Variants in LAT observed in about 807,000 individuals in gnomAD.
The protein encoded by LAT is linker for activation of T cells, also known as linker for activation of T-cells family member 1.
A neutral mutation model predicts 39.1 loss-of-function variants in LAT; 12 were observed. That is an observed-to-expected ratio of 0.31 (90% CI 0.20 to 0.50). The LOEUF is 0.50. Among genes scored for constraint, LAT ranks in the 20% least tolerant of loss-of-function variants. LAT has a pLI of 0.98. For synonymous variants in LAT, 117 were observed against 123.8 expected, an observed-to-expected ratio of 0.95 and a Z score of 0.36; for missense variants, 253 against 308.0, an observed-to-expected ratio of 0.82 and a Z score of 1.34.
rs750017815 is a variant in LAT at position 28,986,606 on chromosome 16, G to A, written c.340+37G>A. ...ATCCGAGGTGCCCAGGCTGGGTGGG[G>A]AGTCTGGGGTCCGTCCTGGACTAGG... On this transcript the variant is annotated intron_variant, in intron 6 of 11. Transcript: ENST00000395456. The surrounding 1 kb of genome is among the most constrained non-coding windows in gnomAD (Gnocchi z 5.7). The A allele has an allele frequency of 3.7e-6, 6 of 1,613,606 alleles. No individual in the cohort carries two copies. In the Admixed American group the frequency reaches 5.0e-5, roughly 13 times the overall value.
chr16:28,985,745 G>A lies in LAT; in HGVS notation c.128+5G>A, dbSNP rs1965732812. 1.2e-6 allele frequency: 2 copies of A among 1,613,944 alleles called. No individual in the cohort carries two copies. Among genetic ancestry groups the A allele is most frequent in the African/African-American group, 1.3e-5 (1 of 74,910 alleles). On this transcript the variant is annotated splice_donor_5th_base_variant and intron_variant, in intron 2 of 11. Coordinates refer to ENST00000395456, the MANE Select transcript of LAT (RefSeq NM_001014987.2). The surrounding 1 kb of genome is among the most constrained non-coding windows in gnomAD (Gnocchi z 4.6). ...CGACAGCACATCCTCAGATAGGTGA[G>A]TCCGCCCCAGCCGCCCTGGGTCTCC...
rs933611616 is a variant in LAT, at chr16:28,989,564, C to T, written c.531C>T (p.Ser177=). Residue 177 remains serine, a synonymous_variant, in exon 9 of 12, where the codon AGC becomes AGT. Coordinates refer to ENST00000395456, the MANE Select transcript of LAT (RefSeq NM_001014987.2). ...SIDDYVNVPE[S]GESAEASLDG... ...ATGATTACGTGAACGTTCCGGAGAG[C>T]GGGGAGAGCGCAGAAGCGTCTCTGG... 11 of 1,611,354 alleles carry T rather than the reference C, an allele frequency of 6.8e-6. No individual in the cohort carries two copies. The highest frequency in any genetic ancestry group is 1.6e-4 in the Middle Eastern group (1 of 6,072).
chr16:28,985,270 C>G lies in LAT; in HGVS notation c.-148C>G. Reference sequence around the variant, plus strand: ...CCCGGGAGCCCCGGGGAGGGCACAGCTGCCTCCTCCCGGGCTCCCCTGCCA... The same window carrying G: ...CCCGGGAGCCCCGGGGAGGGCACAGGTGCCTCCTCCCGGGCTCCCCTGCCA... On this transcript the variant is annotated 5_prime_UTR_variant, in exon 1 of 12. Coordinates refer to ENST00000395456, the MANE Select transcript of LAT (RefSeq NM_001014987.2). The surrounding 1 kb of genome is among the most constrained non-coding windows in gnomAD (Gnocchi z 4.6). 1 of 1,456,674 alleles carries G rather than the reference C, an allele frequency of 6.9e-7. No individual in the cohort carries two copies. Among genetic ancestry groups the G allele is most frequent in the Middle Eastern group, 2.5e-4 (1 of 3,936 alleles). 90.2% of individuals were successfully genotyped at this position (1,456,674 alleles called of 1,614,324 possible). A position where few individuals can be genotyped will look rare whatever the true frequency, so the allele number is the denominator to read the frequency against.
rs1434925743 is a variant in LAT at position 28,986,325 on chromosome 16, A to C, written c.246-57A>C. ...ATTGGGGGCCCCTTTCCCTTTTGCA[A>C]CTGCTGTTGCCCCCTGAGCCCCACC... On this transcript the variant is annotated intron_variant, in intron 4 of 11. Coordinates refer to ENST00000395456, the MANE Select transcript of LAT (RefSeq NM_001014987.2). The surrounding 1 kb of genome is among the most constrained non-coding windows in gnomAD (Gnocchi z 5.7). The C allele has an allele frequency of 8.8e-6, 14 of 1,596,956 alleles. No homozygotes were observed. The East Asian group carries it at 3.1e-4, about 36-fold the overall frequency.
rs775209924 is a variant in LAT, at chr16:28,986,879, A to T, written c.479A>T (p.Asp160Val). 4 of 1,613,936 alleles carry T rather than the reference A, an allele frequency of 2.5e-6. No individual in the cohort carries two copies. The highest frequency in any genetic ancestry group is 2.2e-5 in the South Asian group (2 of 91,064). The change falls in exon 8 of 12, where the codon GAC (aspartate) becomes GTC (valine). Residue 160 changes from aspartate to valine, a missense_variant. Coordinates refer to ENST00000395456, the MANE Select transcript of LAT (RefSeq NM_001014987.2). This position sits in a 1 kb window ranked among gnomAD's most constrained non-coding sequence, Gnocchi z 5.7. ...APALSTPGIR[D>V]SAFSMESIDD... is the part of the protein sequence containing the mutation. Reference sequence around the variant, plus strand: ...GCACTCAGCACCCCTGGCATCCGAGACAGTGCCTTCTCCAGTGAGTCAGGC... The same window carrying T: ...GCACTCAGCACCCCTGGCATCCGAGTCAGTGCCTTCTCCAGTGAGTCAGGC...
chr16:28,988,889 G>GGCCT (rs1242390126), intron 8 of LAT: 2 of 152,410 alleles, frequency 1.3e-5, no homozygotes, highest in Admixed American at 1.3e-4. Context: ...AATTTAGCCT[G>GGCCT]GCCTGGTAGG....
chr16:28,988,673 G>GC (rs1965813408), intron 8 of LAT: 1 of 152,116 alleles, frequency 6.6e-6, no homozygotes, highest in Non-Finnish European at 1.5e-5. Flanking sequence ...TCACCCCACT[G>GC]CCCTCCAGCC....
chr16:28,985,452 G>A lies in LAT; in HGVS notation c.35G>A (p.Gly12Glu). The A allele has an allele frequency of 6.2e-7, 1 of 1,613,834 alleles. No individual in the cohort carries two copies. Among genetic ancestry groups the A allele is most frequent in the Non-Finnish European group, 8.5e-7 (1 of 1,179,936 alleles). The change falls in exon 1 of 12, where the codon GGG becomes GAG. Residue 12 changes from glycine (G) to glutamate (E), a missense_variant. Physicochemically the swap from Gly to Glu is moderately conservative, Grantham distance 98. Transcript: ENST00000395456. This position sits in a 1 kb window ranked among gnomAD's most constrained non-coding sequence, Gnocchi z 4.6. Reference sequence around the variant, plus strand: ...GCCATCCTGGTCCCCTGCGTGCTGGGGCTCCTGCTGCTGCCCATCCTGGCC... The same window carrying A: ...GCCATCCTGGTCCCCTGCGTGCTGGAGCTCCTGCTGCTGCCCATCCTGGCC... ...EEAILVPCVLGLLLLPILAML... is the reference protein window; with the variant it reads ...EEAILVPCVLELLLLPILAML...
chr16:28,986,291 CT>C lies in LAT; in HGVS notation c.245+81del. ...CCAAACTCCACTCTCTACCCCTTCA[CT>C]TTTTTGGATTGGGGGCCCCTTTCCC... On this transcript the variant is annotated intron_variant, in intron 4 of 11. Coordinates refer to ENST00000395456, the MANE Select transcript of LAT (RefSeq NM_001014987.2). The surrounding 1 kb of genome is among the most constrained non-coding windows in gnomAD (Gnocchi z 5.7). 1 of 1,568,982 alleles carries C rather than the reference CT, an allele frequency of 6.4e-7. No homozygotes were observed. The highest frequency in any genetic ancestry group is 8.7e-7 in the Non-Finnish European group (1 of 1,144,836).
At position 28,986,827 on chromosome 16, in the gene LAT, A is replaced by T. The variant is rs1357758638; in HGVS notation, c.427A>T (p.Thr143Ser). The T allele has an allele frequency of 6.2e-7, 1 of 1,613,986 alleles. No homozygotes were observed. Among genetic ancestry groups the T allele is most frequent in the South Asian group, 1.1e-5 (1 of 91,076 alleles). The change falls in exon 8 of 12, where the codon ACT becomes TCT. Residue 143 changes from threonine (T) to serine (S), a missense_variant. Thr to Ser is a moderately conservative substitution (Grantham distance 58). Transcript: ENST00000395456. This position sits in a 1 kb window ranked among gnomAD's most constrained non-coding sequence, Gnocchi z 5.7. Reference protein sequence around the residue: ...LVVLPDSTPATSTAAPSAPAL... With the variant: ...LVVLPDSTPASSTAAPSAPAL... ...GGTGCTTCCTGACAGCACCCCGGCC[A>T]CTAGCACTGCTGCCCCATCAGCTCC...
Position 28,985,628 on chromosome 16 carries a change from C to G in LAT, c.101-85C>G. On this transcript the variant is annotated intron_variant, in intron 1 of 11. Coordinates refer to ENST00000395456, the MANE Select transcript of LAT (RefSeq NM_001014987.2). This position sits in a 1 kb window ranked among gnomAD's most constrained non-coding sequence, Gnocchi z 4.6. ...CTCTGTCCCTGCCTCCGTCCTGATC[C>G]CAGCGCCTCTGAGAGTCCCTGGATC... 6.2e-7 allele frequency: 1 copy of G among 1,607,246 alleles called. No homozygotes were observed. Among genetic ancestry groups the G allele is most frequent in the Non-Finnish European group, 8.5e-7 (1 of 1,174,402 alleles).
upstream of LAT, chr16:28,985,025 A>T: frequency 7.0e-7 from 1 of 1,422,204 alleles, no homozygotes; most frequent in South Asian, 1.5e-5. This position sits in a 1 kb window ranked among gnomAD's most constrained non-coding sequence, Gnocchi z 4.6. Flanking sequence ...GAGCTTGATG[A>T]TTTCCTGCCC....
At position 28,985,830 on chromosome 16, in the gene LAT, C is replaced by T. The variant is rs745697368; in HGVS notation, c.129-24C>T. 1.2e-6 allele frequency: 2 copies of T among 1,614,062 alleles called. No individual in the cohort carries two copies. The highest frequency in any genetic ancestry group is 4.5e-5 in the East Asian group (2 of 44,870). On this transcript the variant is annotated intron_variant, in intron 2 of 11. Coordinates refer to ENST00000395456, the MANE Select transcript of LAT (RefSeq NM_001014987.2). This position sits in a 1 kb window ranked among gnomAD's most constrained non-coding sequence, Gnocchi z 4.6. ...CCATCCTCCATCTTCCAGCCCCATC[C>T]CCAAGCTGTGTCTCCTTTACCAGTT...
At position 28,985,291 on chromosome 16, in the gene LAT, T is replaced by A; in HGVS notation, c.-127T>A. 1 of 1,483,344 alleles carries A rather than the reference T, an allele frequency of 6.7e-7. No homozygotes were observed. The highest frequency in any genetic ancestry group is 1.3e-5 in the South Asian group (1 of 75,170). 91.9% of individuals were successfully genotyped at this position (1,483,344 alleles called of 1,614,324 possible). ...ACAGCTGCCTCCTCCCGGGCTCCCC[T>A]GCCACCTGGTGCCTACCTGCCCCCT... On this transcript the variant is annotated 5_prime_UTR_variant, in exon 1 of 12. Transcript: ENST00000395456. The surrounding 1 kb of genome is among the most constrained non-coding windows in gnomAD (Gnocchi z 4.6).
chr16:28,985,827 A>T lies in LAT; in HGVS notation c.129-27A>T, dbSNP rs1212639521. 3 of 1,613,844 alleles carry T rather than the reference A, an allele frequency of 1.9e-6. No individual in the cohort carries two copies. Among genetic ancestry groups the T allele is most frequent in the Non-Finnish European group, 2.5e-6 (3 of 1,179,944 alleles). Reference sequence around the variant, plus strand: ...CTTCCATCCTCCATCTTCCAGCCCCATCCCCAAGCTGTGTCTCCTTTACCA... The same window carrying T: ...CTTCCATCCTCCATCTTCCAGCCCCTTCCCCAAGCTGTGTCTCCTTTACCA... On this transcript the variant is annotated intron_variant, in intron 2 of 11. Transcript: ENST00000395456. The surrounding 1 kb of genome is among the most constrained non-coding windows in gnomAD (Gnocchi z 4.6).
Position 28,986,691 on chromosome 16 carries a change from C to G in LAT, c.375C>G (p.Asp125Glu), listed in dbSNP as rs535156699. The change falls in exon 7 of 12, where the codon GAC becomes GAG. Residue 125 changes from aspartate to glutamate, a missense_variant. Asp to Glu is a conservative substitution (Grantham distance 45). Coordinates refer to ENST00000395456, the MANE Select transcript of LAT (RefSeq NM_001014987.2). The surrounding 1 kb of genome is among the most constrained non-coding windows in gnomAD (Gnocchi z 5.7). ...GTGAGGATGCGGATGAGGATGAGGACGACTATCACAACCCAGGCTACCTGT... is the reference window on the plus strand; with the variant it reads ...GTGAGGATGCGGATGAGGATGAGGAGGACTATCACAACCCAGGCTACCTGT... ...PACEDADEDE[D>E]DYHNPGYLVV... The G allele has an allele frequency of 7.4e-6, 12 of 1,613,420 alleles. No individual in the cohort carries two copies. The South Asian group carries it at 9.9e-5, about 13-fold the overall frequency.
chr16:28,985,065 G>T lies in LAT; in HGVS notation c.-353G>T. 2 of 1,425,190 alleles carry T rather than the reference G, an allele frequency of 1.4e-6. No homozygotes were observed. The highest frequency in any genetic ancestry group is 2.9e-5 in the Admixed American group (1 of 34,220). The allele number at this position is 1,425,190 out of a possible 1,614,324, so 88.3% of individuals were successfully genotyped here. ...CCGGCGCTCACCACAGCTTCCTGCCGCAGGCGGGCGGGAGGGCGGGCACGG... is the reference window on the plus strand; with the variant it reads ...CCGGCGCTCACCACAGCTTCCTGCCTCAGGCGGGCGGGAGGGCGGGCACGG... On this transcript the variant is annotated 5_prime_UTR_variant, in exon 1 of 12. Coordinates refer to ENST00000395456, the MANE Select transcript of LAT (RefSeq NM_001014987.2). This position sits in a 1 kb window ranked among gnomAD's most constrained non-coding sequence, Gnocchi z 4.6.
chr16:28,987,037 A>G, intron 8 of LAT, 144 bp downstream of exon 8: 1 of 678,378 alleles, frequency 1.5e-6, no homozygotes, highest in Non-Finnish European at 2.4e-6. Context: ...CCTCCCAAGT[A>G]GCTGAGACCA....
upstream of LAT, chr16:28,985,045 G>T: frequency 7.0e-7 from 1 of 1,427,098 alleles, no homozygotes; most frequent in Non-Finnish European, 9.1e-7. This position sits in a 1 kb window ranked among gnomAD's most constrained non-coding sequence, Gnocchi z 4.6. Context: ...CTCGCCCGGC[G>T]CTCACCACAG....
Sources: allele counts gnomAD v4.1 joint callset, GRCh38; gene constraint gnomAD v4.1.1; non-coding constraint Gnocchi (gnomAD v3.1); transcripts MANE v1.5; gene names NCBI Gene and HGNC (gene_info 2026-07-23, HGNC 2026-07-21).